The following TPRG1 variants were observed in gnomAD, a reference collection of about 807,000 sequenced individuals.
TPRG1 encodes the protein tumor protein p63 regulated 1.
A neutral mutation model predicts 29.3 loss-of-function variants in TPRG1; 29 were observed. The ratio of observed to expected loss-of-function variants is 0.99; its 90% CI spans 0.74 to 1.35. The LOEUF (loss-of-function observed/expected upper bound fraction) is 1.35. Ranked by LOEUF, TPRG1 falls within the 40% of genes most tolerant of loss-of-function variation. The pLI, the probability that TPRG1 is intolerant of heterozygous loss-of-function variation, is 0.00. For missense variants in TPRG1, 327 were observed against 335.0 expected, an observed-to-expected ratio of 0.98 and a Z score of 0.19; for synonymous variants, 130 against 116.8, an observed-to-expected ratio of 1.11 and a Z score of -0.73.
intron 1 of TPRG1, among the ~76,000 whole-genome samples, chr3:189,181,126 G>A (rs1680138153): frequency 6.6e-6 from 1 of 152,174 alleles, no homozygotes; most frequent in Admixed American, 6.5e-5. Context: ...GGCTGCACAA[G>A]GATGGAGACC....
intron 4 of TPRG1, among the ~76,000 whole-genome samples, chr3:189,283,411 T>A (rs994990640): frequency 1.3e-5 from 2 of 152,218 alleles, no homozygotes; most frequent in Admixed American, 1.3e-4. Context: ...TGTCATCTCT[T>A]TTATATCAGT....
At chr3:189,232,107 A>T (rs571594619) in intron 3 of TPRG1, among the ~76,000 whole-genome samples, 37 of 152,290 alleles carry the variant, frequency 2.4e-4, no homozygotes, top group African/African-American at 8.9e-4. Context: ...AACTGGAACA[A>T]TATGATGGAA....
intron 3 of TPRG1, among the ~76,000 whole-genome samples, chr3:189,145,674 C>T (rs529464833): frequency 9.5e-4 from 144 of 152,258 alleles, no homozygotes; most frequent in Non-Finnish European, 1.7e-3. Context: ...ATAGCAATAA[C>T]ATTAATAATA....
intron 3 of TPRG1, among the ~76,000 whole-genome samples, chr3:189,224,524 GAGA>G (rs1465649943): frequency 6.6e-6 from 1 of 152,090 alleles, no homozygotes; most frequent in Non-Finnish European, 1.5e-5. Flanking sequence ...TCATGGAAAA[GAGA>G]AGAATATGTG....
chr3:189,142,783 G>T (rs1419631824), intron 3 of TPRG1, among the ~76,000 whole-genome samples: 2 of 152,170 alleles, frequency 1.3e-5, no homozygotes, highest in Non-Finnish European at 2.9e-5. Context: ...GAAACCAGAG[G>T]CTTGTGAGAC....
At chr3:189,295,496 CAAAAAAAA>C (rs368195264) in intron 4 of TPRG1, among the ~76,000 whole-genome samples, 3 of 85,520 alleles carry the variant, frequency 3.5e-5, no homozygotes, top group African/African-American at 1.5e-4. Context: ...ACTCAGATTG[CAAAAAAAA>C]AAAAAAAAAA....
intron 4 of TPRG1, among the ~76,000 whole-genome samples, chr3:189,081,350 C>T (rs7609834): frequency 0.028 from 4,262 of 152,012 alleles, 200 homozygotes; most frequent in African/African-American, 0.097. Flanking sequence ...GAAAGAGGCA[C>T]AAGTGAAAGG....
chr3:189,271,603 G>C (rs1180961915), intron 4 of TPRG1, among the ~76,000 whole-genome samples: 4 of 152,130 alleles, frequency 2.6e-5, no homozygotes, highest in Admixed American at 2.0e-4. Context: ...GTTTATTTTT[G>C]GATAGAATTT....
At chr3:189,224,867 A>G (rs115429576) in intron 3 of TPRG1, among the ~76,000 whole-genome samples, 2,579 of 151,848 alleles carry the variant, frequency 0.017, 76 homozygotes, top group African/African-American at 0.059. Context: ...ACAGTGTGCA[A>G]TGGTGCATGG....
intron 4 of TPRG1, among the ~76,000 whole-genome samples, chr3:189,025,656 G>A (rs1713618910): frequency 6.6e-6 from 1 of 152,188 alleles, no homozygotes; most frequent in Non-Finnish European, 1.5e-5. Context: ...TGGTTGACAT[G>A]TCCTCTGAAA....
intron 3 of TPRG1, among the ~76,000 whole-genome samples, chr3:189,013,030 C>G (rs998520969): frequency 6.8e-6 from 1 of 147,400 alleles, no homozygotes; most frequent in Non-Finnish European, 1.5e-5. Context: ...TTCAGTTCAG[C>G]TCTAATCTTG....
chr3:189,010,303 A>G lies in TPRG1; in HGVS notation c.-660+5543A>G, dbSNP rs529979689. Among the ~76,000 whole-genome samples the G allele has an allele frequency of 3.3e-5, 5 of 152,298 alleles. No homozygotes were observed. The South Asian group carries it at 1.0e-3, about 32-fold the overall frequency. On this transcript the variant is annotated intron_variant, in intron 3 of 10. Coordinates refer to the TPRG1 transcript ENST00000433971. ...ATATTCCTTTGGGTATATACCCAGT[A>G]ATGGAATCACTGGGTTGAATGATAT...
chr3:189,068,336 C>T (rs758650894), intron 4 of TPRG1, among the ~76,000 whole-genome samples: 1 of 152,102 alleles, frequency 6.6e-6, no homozygotes, highest in African/African-American at 2.4e-5. Context: ...AAATGAAATC[C>T]GTATGTTGAA....
intron 1 of TPRG1, among the ~76,000 whole-genome samples, chr3:189,175,482 A>T (rs1729365524): frequency 6.6e-6 from 1 of 152,244 alleles, no homozygotes; most frequent in Non-Finnish European, 1.5e-5. Flanking sequence ...GATCAGGCAC[A>T]ACATGGTGTC....
chr3:189,246,993 T>G (rs1038994396), intron 4 of TPRG1, among the ~76,000 whole-genome samples: 15 of 152,150 alleles, frequency 9.9e-5, no homozygotes, highest in African/African-American at 3.4e-4. Flanking sequence ...TATCTAAGCT[T>G]CTCACATCTG....
chr3:189,284,009 G>C (rs894666744), intron 4 of TPRG1, among the ~76,000 whole-genome samples: 2 of 152,268 alleles, frequency 1.3e-5, no homozygotes, highest in South Asian at 4.2e-4. Context: ...ATGAAAATCA[G>C]GGACAGGGCA....
At chr3:189,248,630 G>T (rs1402913828) in intron 4 of TPRG1, among the ~76,000 whole-genome samples, 2 of 150,872 alleles carry the variant, frequency 1.3e-5, no homozygotes, top group African/African-American at 4.8e-5. Flanking sequence ...ATACATAATA[G>T]ATTTTATTAT....
chr3:189,227,450 TC>T (rs1287076641), intron 3 of TPRG1, among the ~76,000 whole-genome samples: 1 of 152,192 alleles, frequency 6.6e-6, no homozygotes, highest in Non-Finnish European at 1.5e-5. Flanking sequence ...CAGTTTTAGT[TC>T]CTGAACTGAA....
chr3:189,176,803 A>AT (rs1416197348), intron 1 of TPRG1, among the ~76,000 whole-genome samples: 1 of 152,184 alleles, frequency 6.6e-6, no homozygotes, highest in Non-Finnish European at 1.5e-5. Context: ...AGATCTTTGG[A>AT]TTTTGGGAGA....
Sources: gnomAD v4.1 joint callset for allele counts (sites outside exome capture counted in the v4.1 genomes callset) on GRCh38, gnomAD v4.1.1 for gene constraint, MANE v1.5 for transcripts, NCBI Gene and HGNC (gene_info 2026-07-23, HGNC 2026-07-21) for gene names.